ADAM20: variants seen among roughly 807,000 people sequenced by gnomAD.
ADAM20 encodes ADAM metallopeptidase domain 20, also known as disintegrin and metalloproteinase domain-containing protein 20.
For missense variants in ADAM20, 871 were observed against 883.2 expected (o/e 0.99, Z 0.18); for synonymous variants, 305 against 310.2 (o/e 0.98, Z 0.18).
chr14:70,545,017 T>G, the ADAM20 span, among the ~76,000 whole-genome samples: 34,692 of 152,030 alleles, frequency 0.23, 5,348 homozygotes, highest in East Asian at 0.53. Context: ...ACAATGAGAA[T>G]GTACTAAGGA....
At chr14:70,570,128 CTT>C in the ADAM20 span, among the ~76,000 whole-genome samples, 8,847 of 152,050 alleles carry the variant, frequency 0.058, 321 homozygotes, top group African/African-American at 0.1. Flanking sequence ...ACCCACACCT[CTT>C]GAGTAAAGCA....
At position 70,523,216 on chromosome 14, in the gene ADAM20, T is replaced by C. The variant is rs755920444; in HGVS notation, c.1542A>G (p.Gln514=). The change falls in exon 2 of 2, where the codon CAA becomes CAG. Residue 514 remains glutamine (Q), a synonymous_variant. Coordinates refer to ENST00000256389, the MANE Select transcript of ADAM20 (RefSeq NM_003814.5). The stretch of plus-strand genomic sequence containing the variant: ...CATCTTGGCCAAAAATCTCTTTACA[T>C]TGTATATCATGGTTATTACACGTCT... The part of the protein sequence containing the change: ...YEKTCNNHDI[Q]CKEIFGQDAR... The C allele has an allele frequency of 2.5e-5, 41 of 1,613,950 alleles. No individual in the cohort carries two copies. The highest frequency in any genetic ancestry group is 3.2e-5 in the Non-Finnish European group (38 of 1,179,964).
upstream of ADAM20, among the ~76,000 whole-genome samples, chr14:70,538,665 A>G (rs906216764): frequency 1.3e-5 from 2 of 152,226 alleles, no homozygotes; most frequent in African/African-American, 4.8e-5. Context: ...GGCACCAAAA[A>G]TCCTGTTTCA....
At chr14:70,528,067 T>C (rs1883628290) in intron 1 of ADAM20, among the ~76,000 whole-genome samples, 1 of 152,228 alleles carries the variant, frequency 6.6e-6, no homozygotes, top group South Asian at 2.1e-4. Context: ...TGCTTTTTTA[T>C]GTGTGGTTCT....
At chr14:70,573,311 T>C in the ADAM20 span, among the ~76,000 whole-genome samples, 5,527 of 152,250 alleles carry the variant, frequency 0.036, 115 homozygotes, top group Middle Eastern at 0.058. Context: ...GCCATTACCC[T>C]AAGAGAATTA....
the ADAM20 span, among the ~76,000 whole-genome samples, chr14:70,554,931 C>T: frequency 6.6e-6 from 1 of 152,166 alleles, no homozygotes; most frequent in Non-Finnish European, 1.5e-5. Flanking sequence ...AGCATGGGGG[C>T]TCAAAGGCGT....
At chr14:70,527,662 A>C (rs1883619123) in intron 1 of ADAM20, among the ~76,000 whole-genome samples, 1 of 152,164 alleles carries the variant, frequency 6.6e-6, no homozygotes, top group Admixed American at 6.5e-5. Flanking sequence ...ATCTCTGTAG[A>C]TCTCACAGAG....
chr14:70,559,796 G>C, the ADAM20 span, among the ~76,000 whole-genome samples: 2 of 152,224 alleles, frequency 1.3e-5, no homozygotes, highest in Admixed American at 1.3e-4. Flanking sequence ...GACCTGTGTA[G>C]ATGGAGGGAA....
the ADAM20 span, among the ~76,000 whole-genome samples, chr14:70,544,353 C>T: frequency 6.6e-6 from 1 of 152,058 alleles, no homozygotes; most frequent in Non-Finnish European, 1.5e-5. Flanking sequence ...TAATTACATG[C>T]CTCAAAATTA....
chr14:70,546,406 A>G, the ADAM20 span, among the ~76,000 whole-genome samples: 1 of 152,214 alleles, frequency 6.6e-6, no homozygotes, highest in Admixed American at 6.5e-5. Context: ...TGAGACATCA[A>G]TCAATGTATG....
At chr14:70,559,597 A>G in the ADAM20 span, among the ~76,000 whole-genome samples, 1 of 152,196 alleles carries the variant, frequency 6.6e-6, no homozygotes, top group East Asian at 1.9e-4. Flanking sequence ...ATTCATAGTA[A>G]AAGTCTGTAC....
At chr14:70,533,894 C>A (rs531288877) in intron 1 of ADAM20, among the ~76,000 whole-genome samples, 1 of 151,510 alleles carries the variant, frequency 6.6e-6, no homozygotes, top group Admixed American at 6.6e-5. Context: ...ACCAGTCTGG[C>A]CAAAATGGTG....
chr14:70,559,786 G>A, the ADAM20 span, among the ~76,000 whole-genome samples: 43 of 152,222 alleles, frequency 2.8e-4, 1 homozygote, highest in South Asian at 8.3e-3. Context: ...CTGCTCCTTT[G>A]ACCTGTGTAG....
upstream of ADAM20, among the ~76,000 whole-genome samples, chr14:70,536,493 A>G (rs1283713205): frequency 1.4e-5 from 2 of 143,070 alleles, no homozygotes; most frequent in South Asian, 2.2e-4. Context: ...AAAAAAAAAA[A>G]AAAGAATTGC....
intron 1 of ADAM20, among the ~76,000 whole-genome samples, chr14:70,531,744 T>C (rs1883715342): frequency 6.6e-6 from 1 of 152,024 alleles, no homozygotes; most frequent in Non-Finnish European, 1.5e-5. Context: ...AACAATTCTA[T>C]TTACAATAGC....
At chr14:70,561,712 G>A in the ADAM20 span, among the ~76,000 whole-genome samples, 1 of 152,256 alleles carries the variant, frequency 6.6e-6, no homozygotes, top group Non-Finnish European at 1.5e-5. Flanking sequence ...ATGGCTAAAA[G>A]GGGCCAAAGT....
chr14:70,537,292 G>T (rs969656959), upstream of ADAM20, among the ~76,000 whole-genome samples: 6 of 152,278 alleles, frequency 3.9e-5, no homozygotes, highest in South Asian at 4.1e-4. Flanking sequence ...AAATCCTCAG[G>T]TCTCAGGAAT....
At chr14:70,550,767 A>C in the ADAM20 span, among the ~76,000 whole-genome samples, 32 of 69,754 alleles carry the variant, frequency 4.6e-4, no homozygotes, top group East Asian at 0.012. Context: ...AACTATTCCA[A>C]TCAATAGAAA....
chr14:70,523,613 G>A lies in ADAM20; in HGVS notation c.1145C>T (p.Ala382Val), dbSNP rs1257613695. The A allele has an allele frequency of 1.4e-5, 22 of 1,613,882 alleles. No homozygotes were observed. Among genetic ancestry groups the A allele is most frequent in the Non-Finnish European group, 1.6e-5 (19 of 1,179,974 alleles). The change falls in exon 2 of 2, where the codon GCC becomes GTC. Residue 382 changes from alanine (A) to valine (V), a missense_variant. Coordinates refer to ENST00000256389, the MANE Select transcript of ADAM20 (RefSeq NM_003814.5). ...ACTGATAGTACTGTCCCAATATTGG[G>A]CATAACTGCAGTTGCTAAATTTAGT... ...VTTKFSNCSYAQYWDSTISSG... is the reference protein window; with the variant it reads ...VTTKFSNCSYVQYWDSTISSG...
Sources: allele counts gnomAD v4.1 joint callset (sites outside exome capture counted in the v4.1 genomes callset), GRCh38; gene constraint gnomAD v4.1.1; transcripts MANE v1.5; gene names NCBI Gene and HGNC (gene_info 2026-07-23, HGNC 2026-07-21).